MYO18B: variants seen among roughly 807,000 people sequenced by gnomAD.
The protein encoded by MYO18B is unconventional myosin-XVIIIb.
A neutral mutation model predicts 273.0 loss-of-function variants in MYO18B; 204 were observed. The ratio of observed to expected loss-of-function variants is 0.75; its 90% CI spans 0.67 to 0.84. The LOEUF is 0.84. MYO18B is among the 40% of genes least tolerant of loss of function. The pLI is 0.00. For synonymous variants in MYO18B, 1,330 were observed against 1,305.7 expected (o/e 1.02, Z -0.40); for missense variants, 3,212 against 3,287.6 (o/e 0.98, Z 0.56).
intron 34 of MYO18B, among the ~76,000 whole-genome samples, chr22:25,939,210 A>G (rs559034307): frequency 6.6e-6 from 1 of 152,318 alleles, no homozygotes; most frequent in East Asian, 1.9e-4. Flanking sequence ...TTGGGTGGTA[A>G]CCCAGTTCAA....
intron 17 of MYO18B, among the ~76,000 whole-genome samples, chr22:25,838,689 G>A (rs1477239417): frequency 6.6e-6 from 1 of 152,222 alleles, no homozygotes; most frequent in African/African-American, 2.4e-5. Context: ...GTACCATACA[G>A]CCTATGTGTG....
chr22:25,951,711 C>A (rs1260171624), intron 37 of MYO18B, among the ~76,000 whole-genome samples: 1 of 152,198 alleles, frequency 6.6e-6, no homozygotes, highest in Non-Finnish European at 1.5e-5. Flanking sequence ...GTTGGAGTGA[C>A]CAGGTCTCAA....
At chr22:26,024,013 G>A (rs915104566) in intron 42 of MYO18B, among the ~76,000 whole-genome samples, 2 of 152,160 alleles carry the variant, frequency 1.3e-5, no homozygotes, top group African/African-American at 4.8e-5. Flanking sequence ...CTGGGCAAAC[G>A]TGTGGCTTTT....
intron 23 of MYO18B, among the ~76,000 whole-genome samples, chr22:25,874,883 T>A (rs1035174172): frequency 3.9e-5 from 6 of 152,228 alleles, no homozygotes; most frequent in Admixed American, 6.5e-5. Context: ...GTATTATATA[T>A]GTTCGAATTC....
Position 25,947,829 on chromosome 22 carries a change from G to T in MYO18B, c.5748+1G>T, listed in dbSNP as rs1211211380. 6.2e-7 allele frequency: 1 copy of T among 1,610,742 alleles called. No homozygotes were observed. The highest frequency in any genetic ancestry group is 8.5e-7 in the Non-Finnish European group (1 of 1,177,146). The stretch of plus-strand genomic sequence containing the variant: ...GAAGCACAAGGACCTCATTGCTCAG[G>T]TAGTGAATGAGACCTTGGTGGAAGA... On this transcript the variant is annotated splice_donor_variant, in intron 36 of 43. Transcript: ENST00000335473. LOFTEE classifies it high-confidence loss of function.
intron 22 of MYO18B, among the ~76,000 whole-genome samples, chr22:25,873,365 C>A (rs1434186473): frequency 6.6e-6 from 1 of 152,224 alleles, no homozygotes; most frequent in Admixed American, 6.5e-5. Context: ...CCAGCCCCAT[C>A]CTCTCCAGAC....
the MYO18B span, among the ~76,000 whole-genome samples, chr22:26,039,122 C>G: frequency 6.6e-6 from 1 of 152,184 alleles, no homozygotes; most frequent in Non-Finnish European, 1.5e-5. Flanking sequence ...CCTGCCTGCT[C>G]TGTTCTTGGT....
intron 25 of MYO18B, among the ~76,000 whole-genome samples, chr22:25,879,304 A>G (rs1390509683): frequency 8.1e-6 from 1 of 123,304 alleles, no homozygotes; most frequent in Non-Finnish European, 1.7e-5. Context: ...CCTGATCCTT[A>G]AACTAGAAAA....
intron 1 of MYO18B, among the ~76,000 whole-genome samples, chr22:25,744,513 C>T (rs1056492105): frequency 6.6e-6 from 1 of 152,094 alleles, no homozygotes; most frequent in East Asian, 1.9e-4. Context: ...GGGCAGATCA[C>T]GAGGTCAGGA....
rs529814200 is a variant in MYO18B at position 25,768,855 on chromosome 22, C to A, written c.939C>A (p.Ile313=). The A allele has an allele frequency of 6.2e-7, 1 of 1,612,842 alleles. No individual in the cohort carries two copies. The highest frequency in any genetic ancestry group is 2.2e-5 in the East Asian group (1 of 44,862). Residue 313 remains isoleucine, a synonymous_variant, in exon 4 of 44, where the codon ATC becomes ATA. Coordinates refer to ENST00000335473, the MANE Select transcript of MYO18B (RefSeq NM_032608.7). The part of the protein sequence containing the change: ...GSEGKHVRPQ[I]PGRKWGGFLG... Reference sequence around the variant, plus strand: ...AAGGGAAGCACGTAAGGCCCCAAATCCCTGGGAGAAAGTGGGGAGGTTTCC... The same window carrying A: ...AAGGGAAGCACGTAAGGCCCCAAATACCTGGGAGAAAGTGGGGAGGTTTCC...
chr22:25,777,636 G>A lies in MYO18B; in HGVS notation c.1923G>A (p.Gln641=), dbSNP rs1386309059. The A allele has an allele frequency of 6.2e-7, 1 of 1,611,534 alleles. No homozygotes were observed. Among genetic ancestry groups the A allele is most frequent in the East Asian group, 2.2e-5 (1 of 44,778 alleles). Residue 641 remains glutamine, a synonymous_variant, in exon 8 of 44, where the codon CAG becomes CAA. Transcript: ENST00000335473. ...CTGCCCACATTGGCTCCATGGCACA[G>A]CGGGCATACTGGGCGCTGCTGAACC... ...GLPAHIGSMA[Q]RAYWALLNQR... is the part of the protein sequence containing the mutation.
At chr22:25,999,049 G>A (rs934345935) in intron 40 of MYO18B, among the ~76,000 whole-genome samples, 5 of 152,162 alleles carry the variant, frequency 3.3e-5, no homozygotes, top group African/African-American at 9.7e-5. Context: ...TGCAGGTACT[G>A]TGCTACCTGT....
At chr22:26,054,874 C>T in the MYO18B span, among the ~76,000 whole-genome samples, 1 of 152,140 alleles carries the variant, frequency 6.6e-6, no homozygotes, top group East Asian at 1.9e-4. Flanking sequence ...ATCTGCGAAA[C>T]ATAGGGTGAT....
chr22:25,899,645 A>G (rs2091889238), intron 29 of MYO18B: 1 of 152,118 alleles, frequency 6.6e-6, no homozygotes, highest in Non-Finnish European at 1.5e-5. Flanking sequence ...AGAAAGATTT[A>G]TTTTTTGTTT....
In MYO18B at chr22:25,770,890, A is replaced by T; in HGVS notation, c.1598A>T (p.Asp533Val). The change falls in exon 6 of 44, where the codon GAT becomes GTT. Residue 533 changes from aspartate (D) to valine (V), a missense_variant. Asp to Val is a radical substitution (Grantham distance 152). Coordinates refer to ENST00000335473, the MANE Select transcript of MYO18B (RefSeq NM_032608.7). ...CAACCAGCTACGGTGCTAAAGCCAGATGAGGGAACAGCAGACCTGCCAGCA... is the reference window on the plus strand; with the variant it reads ...CAACCAGCTACGGTGCTAAAGCCAGTTGAGGGAACAGCAGACCTGCCAGCA... ...GFTLATVLKP[D>V]EGTADLPAGR... 1.3e-6 allele frequency: 2 copies of T among 1,551,890 alleles called. No individual in the cohort carries two copies. The highest frequency in any genetic ancestry group is 1.7e-6 in the Non-Finnish European group (2 of 1,147,070).
At chr22:25,948,577 C>G (rs1468020162) in intron 36 of MYO18B, among the ~76,000 whole-genome samples, 2 of 70,292 alleles carry the variant, frequency 2.8e-5, no homozygotes, top group African/African-American at 8.7e-5. Context: ...TTCTTTCCCC[C>G]TCTTTCTTTC....
chr22:25,865,297 C>T (rs1437511881), intron 21 of MYO18B, among the ~76,000 whole-genome samples: 2 of 152,126 alleles, frequency 1.3e-5, no homozygotes, highest in Admixed American at 6.5e-5. Flanking sequence ...AAAATGAGAT[C>T]AACAGAACAG....
Position 25,847,557 on chromosome 22 carries a change from C to T in MYO18B, c.3680C>T (p.Pro1227Leu), listed in dbSNP as rs1348409563. 6.4e-7 allele frequency: 1 copy of T among 1,569,958 alleles called. No individual in the cohort carries two copies. The highest frequency in any genetic ancestry group is 1.9e-5 in the Admixed American group (1 of 53,532). ...CCACCGCAGCCTGGTAGAGACAAGC[C>T]TGGGGCAGGTGGACCTCTGGCCCTG... Reference protein sequence around the residue: ...PPPPQPGRDKPGAGGPLALDI... With the variant: ...PPPPQPGRDKLGAGGPLALDI... Residue 1227 changes from proline to leucine, a missense_variant, in exon 20 of 44, where the codon CCT becomes CTT. Coordinates refer to ENST00000335473, the MANE Select transcript of MYO18B (RefSeq NM_032608.7).
At chr22:25,911,144 C>G (rs1212008359) in intron 33 of MYO18B, 94 bp downstream of exon 33, 7 of 910,810 alleles carry the variant, frequency 7.7e-6, no homozygotes, top group African/African-American at 1.6e-5. Context: ...GGGATACCCT[C>G]TCCTCCATCA....
Sources: allele counts gnomAD v4.1 joint callset (sites outside exome capture counted in the v4.1 genomes callset), GRCh38; gene constraint gnomAD v4.1.1; transcripts MANE v1.5; gene names NCBI Gene and HGNC (gene_info 2026-07-23, HGNC 2026-07-21).